Variants in FAM8A1 observed in about 807,000 individuals in gnomAD.
FAM8A1 encodes protein FAM8A1.
Under a neutral mutation model 38.3 loss-of-function variants are expected in FAM8A1, and 18 were observed. The observed-to-expected ratio is 0.47, with a 90% CI of 0.33 to 0.70. The LOEUF (loss-of-function observed/expected upper bound fraction) is 0.70, where lower values mean the gene tolerates loss of function less well. Among genes scored for constraint, FAM8A1 ranks in the 30% least tolerant of loss-of-function variants. The probability of loss-of-function intolerance (pLI) is 0.03; values close to 1 mark genes in which losing one functional copy is unlikely to be tolerated. For synonymous variants in FAM8A1, 246 were observed against 234.4 expected (o/e 1.05, Z -0.45); for missense variants, 559 against 559.6 (o/e 1.00, Z 0.01).
Position 17,600,792 on chromosome 6 carries a change from A to G in FAM8A1, c.383A>G (p.Tyr128Cys), listed in dbSNP as rs377056354. The stretch of plus-strand genomic sequence containing the variant: ...TGGCTGTGGCAGTCCTACTGCGGCT[A>G]CCTCACCTGGCACAGCGGCCTGGCC... Reference protein sequence around the residue: ...HEWLWQSYCGYLTWHSGLAAF... With the variant: ...HEWLWQSYCGCLTWHSGLAAF... The change falls in exon 1 of 5, where the codon TAC becomes TGC. Residue 128 changes from tyrosine (Y) to cysteine (C), a missense_variant. This residue lies in a region of FAM8A1 where 393 missense variants were observed against 338.9 expected (regional missense o/e 1.16). Transcript: ENST00000259963. 1.1e-5 allele frequency: 18 copies of G among 1,610,812 alleles called. No individual in the cohort carries two copies. Among genetic ancestry groups the G allele is most frequent in the Non-Finnish European group, 1.4e-5 (17 of 1,179,638 alleles).
rs1291318478 is a variant in FAM8A1 at position 17,611,614 on chromosome 6, G to T, written c.*3275G>T. 1 of 152,474 alleles carries T rather than the reference G, an allele frequency of 6.6e-6. No homozygotes were observed. Among genetic ancestry groups the T allele is most frequent in the Non-Finnish European group, 1.5e-5 (1 of 68,028 alleles). 9.4% of individuals were successfully genotyped at this position (152,474 alleles called of 1,614,324 possible). A position where few individuals can be genotyped will look rare whatever the true frequency, so the allele number is the denominator to read the frequency against. ...TATAGTAAGGCTTAACCTGTAAACA[G>T]TATCTGATGGCCCACCTATAAATAA... is the stretch of plus-strand genomic sequence containing the variant. On this transcript the variant is annotated 3_prime_UTR_variant, in exon 5 of 5. Coordinates refer to ENST00000259963, the MANE Select transcript of FAM8A1 (RefSeq NM_016255.3).
chr6:17,600,325 TG>T lies in FAM8A1; in HGVS notation c.-83del. ...TTGTTGACGCCTGCGGTTGCTGCGG[TG>T]GTGACGGGGCTGTTGGGGAGGGGCC... On this transcript the variant is annotated 5_prime_UTR_variant, in exon 1 of 5. Transcript: ENST00000259963. 7.8e-6 allele frequency: 10 copies of T among 1,289,690 alleles called. No homozygotes were observed. The highest frequency in any genetic ancestry group is 9.8e-6 in the Non-Finnish European group (10 of 1,015,952). The allele number at this position is 1,289,690 out of a possible 1,614,324, so 79.9% of individuals were successfully genotyped here.
At position 17,608,508 on chromosome 6, in the gene FAM8A1, TC is replaced by T; in HGVS notation, c.*171del. On this transcript the variant is annotated 3_prime_UTR_variant, in exon 5 of 5. Coordinates refer to ENST00000259963, the MANE Select transcript of FAM8A1 (RefSeq NM_016255.3). The stretch of plus-strand genomic sequence containing the variant: ...TTATACTTGAATGCCAAAGAACTTG[TC>T]CAGAAGAAAAACCTGTTAAATTCAA... 3.2e-6 allele frequency: 2 copies of T among 631,226 alleles called. No individual in the cohort carries two copies. Among genetic ancestry groups the T allele is most frequent in the Non-Finnish European group, 4.7e-6 (2 of 425,148 alleles). 39.1% of individuals were successfully genotyped at this position (631,226 alleles called of 1,614,324 possible).
Position 17,607,820 on chromosome 6 carries a change from A to G in FAM8A1, c.1098-375A>G, listed in dbSNP as rs115304963. 7.4e-3 allele frequency among the ~76,000 whole-genome samples: 1,121 copies of G among 152,358 alleles called. 12 individuals are homozygous for G. Among genetic ancestry groups the G allele is most frequent in the African/African-American group, 0.025 (1,055 of 41,582 alleles). ...GTACTTTAAAATGCATGTTTTTTCT[A>G]TAAGGTAGACAAATGGGACTACAGT... On this transcript the variant is annotated intron_variant, in intron 4 of 4. Transcript: ENST00000259963.
Position 17,606,680 on chromosome 6 carries a change from C to T in FAM8A1, c.1097+667C>T, listed in dbSNP as rs186113031. ...CTGTCATTATTCCATCTTGAATAGG[C>T]AGCAGAGTTTTGACAGCTATGCATT... On this transcript the variant is annotated intron_variant, in intron 4 of 4. Coordinates refer to ENST00000259963, the MANE Select transcript of FAM8A1 (RefSeq NM_016255.3). Among the ~76,000 whole-genome samples, 5 of 152,256 alleles carry T rather than the reference C, an allele frequency of 3.3e-5. No individual in the cohort carries two copies. The East Asian group carries it at 5.8e-4, about 18-fold the overall frequency.
intron 2 of FAM8A1, 112 bp downstream of exon 2, chr6:17,602,822 CATG>C: frequency 1.0e-6 from 1 of 981,990 alleles, no homozygotes; most frequent in Non-Finnish European, 1.4e-6. Context: ...TTGTCAGTGT[CATG>C]ATTTCTTTAT....
Position 17,610,520 on chromosome 6 carries a change from G to C in FAM8A1, c.*2181G>C, listed in dbSNP as rs1391676990. On this transcript the variant is annotated 3_prime_UTR_variant, in exon 5 of 5. Coordinates refer to ENST00000259963, the MANE Select transcript of FAM8A1 (RefSeq NM_016255.3). ...TTTATGAATTCAGTATTTGCACCGA[G>C]ATTTTGATTCCCAAAGTTTGGAAAA... The C allele has an allele frequency of 2.0e-5, 3 of 152,034 alleles. No homozygotes were observed. Among genetic ancestry groups the C allele is most frequent in the Admixed American group, 1.3e-4 (2 of 15,258 alleles). The allele number at this position is 152,034 out of a possible 1,614,324, so 9.4% of individuals were successfully genotyped here. A position where few individuals can be genotyped will look rare whatever the true frequency, so the allele number is the denominator to read the frequency against.
chr6:17,602,854 A>C, intron 2 of FAM8A1, 144 bp downstream of exon 2: 1 of 759,062 alleles, frequency 1.3e-6, no homozygotes, highest in Non-Finnish European at 1.9e-6. Flanking sequence ...TGTTAGATTT[A>C]TTGTTTTCTT....
intron 2 of FAM8A1, among the ~76,000 whole-genome samples, chr6:17,603,449 T>G (rs1764012779): frequency 6.6e-6 from 1 of 152,204 alleles, no homozygotes; most frequent in Admixed American, 6.5e-5. Flanking sequence ...TTCAGGGTCC[T>G]TGCCAGAAAC....
chr6:17,603,212 T>G (rs1200243660), intron 2 of FAM8A1, among the ~76,000 whole-genome samples: 1 of 152,236 alleles, frequency 6.6e-6, no homozygotes, highest in Non-Finnish European at 1.5e-5. Context: ...ACAATAATCA[T>G]AATAGCAGTT....
chr6:17,602,617 C>T lies in FAM8A1; in HGVS notation c.740C>T (p.Ala247Val), dbSNP rs772575200. The change falls in exon 2 of 5, where the codon GCC becomes GTC. Residue 247 changes from alanine (A) to valine (V), a missense_variant. Physicochemically the swap from Ala to Val is moderately conservative, Grantham distance 64. Coordinates refer to ENST00000259963, the MANE Select transcript of FAM8A1 (RefSeq NM_016255.3). ...AGREYVIPSL[A>V]HRFMAEMVDF... The stretch of plus-strand genomic sequence containing the variant: ...AGAGAATATGTTATTCCATCCTTGG[C>T]CCACAGATTTATGGCAGAGATGGTG... 6.2e-7 allele frequency: 1 copy of T among 1,611,698 alleles called. No individual in the cohort carries two copies. The highest frequency in any genetic ancestry group is 8.5e-7 in the Non-Finnish European group (1 of 1,179,446).
At chr6:17,607,387 T>C (rs1764068997) in intron 4 of FAM8A1, among the ~76,000 whole-genome samples, 1 of 152,012 alleles carries the variant, frequency 6.6e-6, no homozygotes, top group African/African-American at 2.4e-5. Context: ...ACTGCATATG[T>C]ATTAATTTAA....
rs1373907296 is a variant in FAM8A1, at chr6:17,609,354, T to TA, written c.*1022dup. 2 of 151,816 alleles carry TA rather than the reference T, an allele frequency of 1.3e-5. No individual in the cohort carries two copies. Among genetic ancestry groups the TA allele is most frequent in the Non-Finnish European group, 2.9e-5 (2 of 67,942 alleles). The allele number at this position is 151,816 out of a possible 1,614,324, so 9.4% of individuals were successfully genotyped here. On this transcript the variant is annotated 3_prime_UTR_variant, in exon 5 of 5. Transcript: ENST00000259963. ...TATGACTGTTGAAACATCAAGGAGT[T>TA]AAAAAAATCTTAATATTTCATGATT...
In FAM8A1 at chr6:17,600,497, G is replaced by A. The variant is rs376361768; in HGVS notation, c.88G>A (p.Gly30Ser). The change falls in exon 1 of 5, where the codon GGC becomes AGC. Residue 30 changes from glycine to serine, a missense_variant. Gly to Ser is a moderately conservative substitution (Grantham distance 56, BLOSUM62 0). Around this residue, in one of 2 missense-constraint regions of FAM8A1, gnomAD observed 393 missense variants for 338.9 expected, o/e 1.16. Coordinates refer to ENST00000259963, the MANE Select transcript of FAM8A1 (RefSeq NM_016255.3). ...CCACGAGCCCGTCCCTTCCCTGAGA[G>A]GCCCTCCTACCACCGCCGTCCCATG... ...GDHEPVPSLRGPPTTAVPCPR... is the reference protein window; with the variant it reads ...GDHEPVPSLRSPPTTAVPCPR... The A allele has an allele frequency of 2.8e-4, 428 of 1,533,930 alleles. No homozygotes were observed. The highest frequency in any genetic ancestry group is 3.6e-4 in the Non-Finnish European group (411 of 1,144,966).
At chr6:17,604,764 C>A in intron 2 of FAM8A1, 142 bp from the exon 3 acceptor site, 1 of 612,482 alleles carries the variant, frequency 1.6e-6, no homozygotes, top group Non-Finnish European at 2.7e-6. Flanking sequence ...CTAATGAATG[C>A]TTTATGATAC....
In FAM8A1 at chr6:17,601,133, G is replaced by T. The variant is rs768963774; in HGVS notation, c.712+12G>T. The T allele has an allele frequency of 1.3e-6, 2 of 1,580,168 alleles. No homozygotes were observed. Among genetic ancestry groups the T allele is most frequent in the African/African-American group, 1.3e-5 (1 of 74,716 alleles). ...CGGGCGACAGGCAGGTGAGAAGCGC[G>T]AGGTGGAGGCTGGGCGGAGTAGAAG... On this transcript the variant is annotated intron_variant, in intron 1 of 4. Coordinates refer to ENST00000259963, the MANE Select transcript of FAM8A1 (RefSeq NM_016255.3).
intron 2 of FAM8A1, among the ~76,000 whole-genome samples, chr6:17,603,327 C>T (rs1335054168): frequency 2.0e-5 from 3 of 152,116 alleles, no homozygotes; most frequent in Non-Finnish European, 4.4e-5. Context: ...GAGATTAATA[C>T]CACCATTTTA....
At position 17,600,472 on chromosome 6, in the gene FAM8A1, C is replaced by A. The variant is rs1393149052; in HGVS notation, c.63C>A (p.Asp21Glu). The A allele has an allele frequency of 2.6e-6, 4 of 1,510,880 alleles. No homozygotes were observed. In the Admixed American group the frequency reaches 8.6e-5, roughly 32 times the overall value. The allele number at this position is 1,510,880 out of a possible 1,614,324, so 93.6% of individuals were successfully genotyped here. Residue 21 changes from aspartate to glutamate, a missense_variant, in exon 1 of 5, where the codon GAC (aspartate) becomes GAA (glutamate). Transcript: ENST00000259963. ...HPPGQDDGGGDHEPVPSLRGP... is the reference protein window; with the variant it reads ...HPPGQDDGGGEHEPVPSLRGP... Reference sequence around the variant, plus strand: ...CCGGGCAGGACGATGGCGGAGGGGACCACGAGCCCGTCCCTTCCCTGAGAG... The same window carrying A: ...CCGGGCAGGACGATGGCGGAGGGGAACACGAGCCCGTCCCTTCCCTGAGAG...
intron 2 of FAM8A1, among the ~76,000 whole-genome samples, chr6:17,604,210 C>A (rs1225068398): frequency 6.6e-6 from 1 of 152,120 alleles, no homozygotes; most frequent in Non-Finnish European, 1.5e-5. Flanking sequence ...CATGCTCAGC[C>A]CCTTCAATGG....
Sources: gnomAD v4.1 joint callset for allele counts (sites outside exome capture counted in the v4.1 genomes callset) on GRCh38, gnomAD v4.1.1 for gene constraint, gnomAD v4.1.1 regional missense constraint, MANE v1.5 for transcripts, NCBI Gene and HGNC (gene_info 2026-07-23, HGNC 2026-07-21) for gene names.